PRRC2C: variants seen among roughly 807,000 people sequenced by gnomAD.
PRRC2C encodes proline rich coiled-coil 2C, also known as protein PRRC2C.
In PRRC2C, 72 loss-of-function variants were observed where a neutral mutation model predicts 317.2. The observed-to-expected ratio is 0.23, with a 90% confidence interval of 0.19 to 0.28. The LOEUF (loss-of-function observed/expected upper bound fraction) is 0.28. Among genes scored for constraint, PRRC2C ranks in the 10% least tolerant of loss-of-function variants. PRRC2C has a pLI of 1.00. For synonymous variants in PRRC2C, 1,296 were observed against 1,205.9 expected, an observed-to-expected ratio of 1.07 and a Z score of -1.55; for missense variants, 3,074 against 3,459.7, an observed-to-expected ratio of 0.89 and a Z score of 2.80.
chr1:171,525,003 A>T (rs957273874), intron 10 of PRRC2C, 38 bp downstream of exon 10: 1 of 1,503,384 alleles, frequency 6.7e-7, no homozygotes, highest in Non-Finnish European at 9.0e-7. Context: ...TATTGCAAGG[A>T]TCTCCTTATT....
At chr1:171,572,018 A>G (rs1182759742) in intron 24 of PRRC2C, among the ~76,000 whole-genome samples, 1 of 151,626 alleles carries the variant, frequency 6.6e-6, no homozygotes, top group African/African-American at 2.4e-5. Flanking sequence ...TTTTTAATCT[A>G]TTATAATTTT....
intron 24 of PRRC2C, among the ~76,000 whole-genome samples, chr1:171,574,392 T>A (rs1235732724): frequency 6.6e-6 from 1 of 152,188 alleles, no homozygotes; most frequent in Non-Finnish European, 1.5e-5. Flanking sequence ...TTCTGCCATT[T>A]AAGAAACTAG....
chr1:171,529,148 C>T lies in PRRC2C; in HGVS notation c.1254+1304C>T, dbSNP rs112105928. On this transcript the variant is annotated intron_variant, in intron 11 of 34. Transcript: ENST00000647382. Reference sequence around the variant, plus strand: ...TGAGACACCTCGCTATTTTGTTTTTCTTTGCTTTCTATTCCTTCTGGGCCT... The same window carrying T: ...TGAGACACCTCGCTATTTTGTTTTTTTTTGCTTTCTATTCCTTCTGGGCCT... Among the ~76,000 whole-genome samples, 1,356 of 152,220 alleles carry T rather than the reference C, an allele frequency of 8.9e-3. 19 individuals carry two copies. Among genetic ancestry groups the T allele is most frequent in the African/African-American group, 0.031 (1,283 of 41,540 alleles).
At chr1:171,514,435 A>G (rs1671955671) in intron 3 of PRRC2C, 101 bp from the exon 4 acceptor site, 4 of 884,816 alleles carry the variant, frequency 4.5e-6, no homozygotes. Context: ...ATGAATAAAC[A>G]TATAGCCAAA....
intron 1 of PRRC2C, chr1:171,511,240 CT>C (rs145260561): frequency 6.6e-6 from 1 of 152,188 alleles, no homozygotes; most frequent in African/African-American, 2.4e-5. Context: ...GTATCTACAA[CT>C]TAATTAAATT....
At chr1:171,533,399 A>G (rs1246298236) in intron 12 of PRRC2C, among the ~76,000 whole-genome samples, 2 of 152,096 alleles carry the variant, frequency 1.3e-5, no homozygotes, top group African/African-American at 2.4e-5. Flanking sequence ...CTGTTTAATC[A>G]GTTTAAACAT....
At chr1:171,515,939 C>G (rs1672267415) in intron 5 of PRRC2C, 80 bp downstream of exon 5, 2 of 1,427,584 alleles carry the variant, frequency 1.4e-6, no homozygotes, top group East Asian at 4.7e-5. Context: ...CTTGCTGTTG[C>G]ATATATTATT....
intron 12 of PRRC2C, among the ~76,000 whole-genome samples, chr1:171,533,212 A>G (rs1383426559): frequency 2.6e-5 from 4 of 152,200 alleles, no homozygotes; most frequent in Non-Finnish European, 4.4e-5. Flanking sequence ...TATTGGCTTC[A>G]TAGTCACATA....
At position 171,588,467 on chromosome 1, in the gene PRRC2C, A is replaced by G; in HGVS notation, c.8161A>G (p.Arg2721Gly). The change falls in exon 33 of 35, where the codon AGA becomes GGA. Residue 2721 changes from arginine (R) to glycine (G), a missense_variant. Arg to Gly is a moderately radical substitution (Grantham distance 125). Around this residue, in one of 11 missense-constraint regions of PRRC2C, gnomAD observed 490 missense variants for 663.1 expected, o/e 0.74. Coordinates refer to ENST00000647382, the MANE Select transcript of PRRC2C (RefSeq NM_001387844.1). ...GTTCCAGTCAGCCCCTGCCACTGTG[A>G]GAATGACACAACCATTTCCTACACA... Reference protein sequence around the residue: ...KQFQSAPATVRMTQPFPTQFA... With the variant: ...KQFQSAPATVGMTQPFPTQFA... The G allele has an allele frequency of 6.2e-7, 1 of 1,613,900 alleles. No individual in the cohort carries two copies. The highest frequency in any genetic ancestry group is 8.5e-7 in the Non-Finnish European group (1 of 1,179,784).
intron 11 of PRRC2C, among the ~76,000 whole-genome samples, chr1:171,530,018 G>C (rs537588049): frequency 1.3e-5 from 2 of 151,916 alleles, no homozygotes; most frequent in Non-Finnish European, 2.9e-5. Context: ...ACATTTCTGC[G>C]TACACAGAAA....
At chr1:171,493,088 G>GGAGAGAA (rs142089975) in intron 1 of PRRC2C, among the ~76,000 whole-genome samples, 1 of 151,526 alleles carries the variant, frequency 6.6e-6, no homozygotes, top group East Asian at 1.9e-4. Flanking sequence ...AATAAAAGAA[G>GGAGAGAA]AGAAGGAAGG....
chr1:171,570,721 C>T (rs1684644886), intron 23 of PRRC2C, among the ~76,000 whole-genome samples: 1 of 148,398 alleles, frequency 6.7e-6, no homozygotes, highest in Admixed American at 6.7e-5. Context: ...ATGGTGCTAA[C>T]AGTCCATACT....
At chr1:171,505,358 G>C (rs1669991330) in intron 1 of PRRC2C, among the ~76,000 whole-genome samples, 1 of 152,042 alleles carries the variant, frequency 6.6e-6, no homozygotes, top group Admixed American at 6.6e-5. Context: ...ATTACAAATG[G>C]CACTATATGT....
At position 171,593,054 on chromosome 1, in the gene PRRC2C, A is replaced by C. The variant is rs908772515; in HGVS notation, c.*1207A>C. On this transcript the variant is annotated 3_prime_UTR_variant, in exon 35 of 35. Transcript: ENST00000647382. ...CTTTCCAGATGATGATTCAGAAGCT[A>C]ATTTTAAAAAACGGTGCCAGGTACC... The C allele has an allele frequency of 6.6e-6, 1 of 151,988 alleles. No individual in the cohort carries two copies. Among genetic ancestry groups the C allele is most frequent in the African/African-American group, 2.4e-5 (1 of 41,390 alleles). The allele number at this position is 151,988 out of a possible 1,614,324, so 9.4% of individuals were successfully genotyped here.
At chr1:171,525,931 T>C (rs984016237) in intron 10 of PRRC2C, among the ~76,000 whole-genome samples, 4 of 152,248 alleles carry the variant, frequency 2.6e-5, no homozygotes, top group African/African-American at 7.2e-5. Flanking sequence ...ATGTATGCTA[T>C]ATGAGGGTTT....
chr1:171,582,104 G>A (rs1648752179), intron 28 of PRRC2C, among the ~76,000 whole-genome samples: 1 of 152,130 alleles, frequency 6.6e-6, no homozygotes, highest in South Asian at 2.1e-4. Flanking sequence ...AGATCTTGAG[G>A]CTAGGCCATT....
chr1:171,513,861 T>TA (rs1671827304), intron 3 of PRRC2C, among the ~76,000 whole-genome samples: 1 of 152,232 alleles, frequency 6.6e-6, no homozygotes, highest in African/African-American at 2.4e-5. Flanking sequence ...ATGTATCAAA[T>TA]ACGTAAATGC....
At chr1:171,551,084 G>A (rs577787037) in intron 18 of PRRC2C, among the ~76,000 whole-genome samples, 240 of 152,252 alleles carry the variant, frequency 1.6e-3, no homozygotes, top group South Asian at 6.4e-3. Context: ...ACTCCCACCA[G>A]CAGTGTAAAA....
At chr1:171,514,773 T>A in intron 4 of PRRC2C, 128 bp downstream of exon 4, 2 of 804,202 alleles carry the variant, frequency 2.5e-6, no homozygotes, top group South Asian at 2.1e-5. Flanking sequence ...TCAAGGCTCT[T>A]AAAAAGGTTT....
Sources: allele counts gnomAD v4.1 joint callset (sites outside exome capture counted in the v4.1 genomes callset), GRCh38; gene constraint gnomAD v4.1.1; regional missense constraint gnomAD v4.1.1; transcripts MANE v1.5; gene names NCBI Gene and HGNC (gene_info 2026-07-23, HGNC 2026-07-21).